KCNT1: variants seen among roughly 807,000 people sequenced by gnomAD.
KCNT1 encodes the protein potassium sodium-activated channel subfamily T member 1, also known as potassium channel subfamily T member 1.
A neutral mutation model predicts 147.8 loss-of-function variants in KCNT1; 78 were observed. The ratio of observed to expected loss-of-function variants is 0.53; its 90% CI spans 0.44 to 0.64. The LOEUF is 0.64. Among genes scored for constraint, KCNT1 ranks in the 30% least tolerant of loss-of-function variants. The pLI, the probability that KCNT1 is intolerant of heterozygous loss-of-function variation, is 0.00. For missense variants in KCNT1, 1,419 were observed against 1,750.3 expected, an observed-to-expected ratio of 0.81 and a Z score of 3.38; for synonymous variants, 867 against 748.8, an observed-to-expected ratio of 1.16 and a Z score of -2.58.
Position 135,756,943 on chromosome 9 carries a change from G to T in KCNT1, c.600+11G>T, listed in dbSNP as rs375220600. On this transcript the variant is annotated intron_variant, in intron 7 of 30. Transcript: ENST00000371757. ...TACCTCAGCTACAAAGTGAGTGCCT[G>T]CCCGGGATGGCACCTCACAGGGGGT... 1.9e-6 allele frequency: 3 copies of T among 1,610,296 alleles called. No individual in the cohort carries two copies. Among genetic ancestry groups the T allele is most frequent in the Non-Finnish European group, 1.7e-6 (2 of 1,178,230 alleles).
chr9:135,714,817 C>T lies in KCNT1; in HGVS notation c.254+97C>T. The T allele has an allele frequency of 1.1e-6, 1 of 883,386 alleles. No homozygotes were observed. Among genetic ancestry groups the T allele is most frequent in the African/African-American group, 1.8e-5 (1 of 55,252 alleles). 54.7% of individuals were successfully genotyped at this position (883,386 alleles called of 1,614,324 possible). ...GTGCTGACGGCCGGTCCCGCGCGCCCCCGCAGCCGCCGGCGCCCTTCAACT... is the reference window on the plus strand; with the variant it reads ...GTGCTGACGGCCGGTCCCGCGCGCCTCCGCAGCCGCCGGCGCCCTTCAACT... On this transcript the variant is annotated intron_variant, in intron 2 of 30. Coordinates refer to ENST00000371757, the MANE Select transcript of KCNT1 (RefSeq NM_020822.3). The surrounding 1 kb of genome is among the most constrained non-coding windows in gnomAD (Gnocchi z 6.2).
intron 24 of KCNT1, among the ~76,000 whole-genome samples, chr9:135,781,103 CTG>C (rs1192230899): frequency 1.3e-5 from 2 of 152,260 alleles, no homozygotes; most frequent in African/African-American, 4.8e-5. Flanking sequence ...CACTGGGGCT[CTG>C]TGTTGCCGGG....
At chr9:135,772,484 G>A (rs1254313662) in intron 18 of KCNT1, among the ~76,000 whole-genome samples, 1 of 152,162 alleles carries the variant, frequency 6.6e-6, no homozygotes. Context: ...GGCACCGATG[G>A]GGCACTGGGG....
chr9:135,747,353 A>T (rs1342877663), intron 2 of KCNT1, among the ~76,000 whole-genome samples: 25 of 140,486 alleles, frequency 1.8e-4, no homozygotes, highest in Admixed American at 2.8e-4. Flanking sequence ...GGAGGCGGGG[A>T]GGGTGGGTTC....
At chr9:135,791,491 G>A in intron 29 of KCNT1, 1 of 412,866 alleles carries the variant, frequency 2.4e-6, no homozygotes, top group Non-Finnish European at 4.5e-6. Flanking sequence ...GTGTGTGCAG[G>A]TGTGCTCAGT....
intron 1 of KCNT1, among the ~76,000 whole-genome samples, chr9:135,706,733 A>T (rs1023011106): frequency 2.6e-5 from 4 of 152,220 alleles, no homozygotes; most frequent in African/African-American, 9.6e-5. Flanking sequence ...CCCAGCTGTG[A>T]CAGACAGCCA....
In KCNT1 at chr9:135,750,962, A is replaced by C; in HGVS notation, c.355A>C (p.Asn119His). The change falls in exon 4 of 31, where the codon AAC (asparagine) becomes CAC (histidine). Residue 119 changes from asparagine to histidine, a missense_variant. Transcript: ENST00000371757. ...QRSSLRIRLF[N>H]FSLKLLTCLL... is the part of the protein sequence containing the mutation. Reference sequence around the variant, plus strand: ...CGCAGGCCTGAGGATCCGGCTGTTCAACTTCTCCCTGAAGCTGCTCACCTG... The same window carrying C: ...CGCAGGCCTGAGGATCCGGCTGTTCCACTTCTCCCTGAAGCTGCTCACCTG... The C allele has an allele frequency of 6.2e-7, 1 of 1,613,048 alleles. No homozygotes were observed. The highest frequency in any genetic ancestry group is 8.5e-7 in the Non-Finnish European group (1 of 1,179,808).
intron 19 of KCNT1, among the ~76,000 whole-genome samples, chr9:135,773,683 G>T (rs56051557): frequency 3.2e-4 from 48 of 152,272 alleles, no homozygotes; most frequent in Non-Finnish European, 5.3e-4. Flanking sequence ...TCCTCAGCGG[G>T]GCTGCCTCAC....
At chr9:135,777,247 G>A in intron 20 of KCNT1, 91 bp from the exon 21 acceptor site, 1 of 1,374,136 alleles carries the variant, frequency 7.3e-7, no homozygotes, top group South Asian at 1.3e-5. Flanking sequence ...GGTGTTCACG[G>A]GGGATGTTTG....
chr9:135,780,541 G>A (rs1396000691), intron 24 of KCNT1, among the ~76,000 whole-genome samples: 3 of 152,240 alleles, frequency 2.0e-5, no homozygotes, highest in African/African-American at 4.8e-5. Context: ...CCAGAGAAGC[G>A]AGAGGAGGCC....
intron 2 of KCNT1, among the ~76,000 whole-genome samples, chr9:135,721,359 C>T (rs565446293): frequency 2.0e-5 from 3 of 152,294 alleles, no homozygotes; most frequent in African/African-American, 4.8e-5. Flanking sequence ...TGTGTGCAGG[C>T]GTACTAATAG....
At chr9:135,776,804 G>T (rs181853056) in intron 20 of KCNT1, among the ~76,000 whole-genome samples, 2 of 152,232 alleles carry the variant, frequency 1.3e-5, no homozygotes, top group African/African-American at 4.8e-5. Context: ...CCTTCAAGCG[G>T]CTTCTGGGTG....
intron 2 of KCNT1, among the ~76,000 whole-genome samples, chr9:135,722,826 C>A (rs953185576): frequency 6.6e-6 from 1 of 152,226 alleles, no homozygotes; most frequent in Non-Finnish European, 1.5e-5. Context: ...AGCCTACTCA[C>A]CTCCTGAAGG....
intron 2 of KCNT1, among the ~76,000 whole-genome samples, chr9:135,749,490 G>A (rs1564343277): frequency 1.3e-5 from 2 of 152,168 alleles, no homozygotes; most frequent in Admixed American, 1.3e-4. Context: ...GGGAAGGGGA[G>A]CGGCACTGGC....
At chr9:135,721,263 C>T (rs970312970) in intron 2 of KCNT1, among the ~76,000 whole-genome samples, 1 of 152,204 alleles carries the variant, frequency 6.6e-6, no homozygotes, top group Admixed American at 6.5e-5. Context: ...AGCTGCTGAG[C>T]TCAGGGAAAC....
intron 2 of KCNT1, among the ~76,000 whole-genome samples, chr9:135,744,021 G>A (rs372989461): frequency 5.9e-5 from 9 of 152,218 alleles, no homozygotes; most frequent in African/African-American, 2.2e-4. Flanking sequence ...AGAGGCCTGC[G>A]TGGAGCTCCC....
chr9:135,764,465 A>G (rs1832121481), intron 11 of KCNT1, among the ~76,000 whole-genome samples: 1 of 152,168 alleles, frequency 6.6e-6, no homozygotes, highest in Non-Finnish European at 1.5e-5. Flanking sequence ...GTCTCAAAAA[A>G]AAGAAAAGCC....
chr9:135,702,596 C>T (rs1835076398), intron 1 of KCNT1, among the ~76,000 whole-genome samples: 1 of 152,148 alleles, frequency 6.6e-6, no homozygotes, highest in Non-Finnish European at 1.5e-5. Flanking sequence ...CCCCATCTGT[C>T]CTCGACCTGG....
intron 2 of KCNT1, among the ~76,000 whole-genome samples, chr9:135,739,771 G>A (rs954563239): frequency 5.9e-5 from 9 of 152,290 alleles, no homozygotes; most frequent in Non-Finnish European, 8.8e-5. Flanking sequence ...AGTGCTCTGC[G>A]CTCTTTCTCC....
Sources: gnomAD v4.1 joint callset for allele counts (sites outside exome capture counted in the v4.1 genomes callset) on GRCh38, gnomAD v4.1.1 for gene constraint, Gnocchi (gnomAD v3.1) non-coding constraint, MANE v1.5 for transcripts, NCBI Gene and HGNC (gene_info 2026-07-23, HGNC 2026-07-21) for gene names.